The following DTWD2 variants were observed in gnomAD, a reference collection of about 807,000 sequenced individuals.
DTWD2 encodes the protein tRNA-uridine aminocarboxypropyltransferase 2.
Under a neutral mutation model 31.8 loss-of-function variants are expected in DTWD2, and 39 were observed. The observed-to-expected ratio is 1.22, with a 90% CI of 0.95 to 1.60. The LOEUF (loss-of-function observed/expected upper bound fraction) is 1.60. Among genes scored for constraint, DTWD2 ranks in the 40% most tolerant of loss-of-function variants. The probability of loss-of-function intolerance (pLI) is 0.00; values close to 1 mark genes in which losing one functional copy is unlikely to be tolerated. For missense variants in DTWD2, 515 were observed against 381.5 expected, an observed-to-expected ratio of 1.35 and a Z score of -2.92; for synonymous variants, 180 against 142.8, an observed-to-expected ratio of 1.26 and a Z score of -1.86.
intron 1 of DTWD2, among the ~76,000 whole-genome samples, chr5:118,965,012 C>T (rs1192567947): frequency 6.6e-6 from 1 of 151,468 alleles, no homozygotes; most frequent in Non-Finnish European, 1.5e-5. Flanking sequence ...TCTGCCCGGC[C>T]GCCCATCGTC....
intron 1 of DTWD2, among the ~76,000 whole-genome samples, chr5:118,974,351 T>A (rs1021844691): frequency 6.6e-5 from 10 of 152,108 alleles, no homozygotes; most frequent in Non-Finnish European, 1.5e-4. Context: ...AAGGCCCTGC[T>A]TTTTTTCTTA....
At chr5:118,928,412 T>C in intron 4 of DTWD2, 125 bp downstream of exon 4, 1 of 525,052 alleles carries the variant, frequency 1.9e-6, no homozygotes, top group Non-Finnish European at 3.0e-6. Context: ...AGGTACTATA[T>C]ATTCACACAT....
intron 1 of DTWD2, among the ~76,000 whole-genome samples, chr5:118,968,763 G>A (rs889440009): frequency 3.9e-5 from 6 of 152,224 alleles, no homozygotes; most frequent in African/African-American, 7.2e-5. Flanking sequence ...ATTCCAGCAA[G>A]GCGGGAAATC....
At chr5:118,957,578 A>T (rs1364493563) in intron 1 of DTWD2, among the ~76,000 whole-genome samples, 15 of 152,042 alleles carry the variant, frequency 9.9e-5, no homozygotes, top group African/African-American at 3.6e-4. Flanking sequence ...GGTGATATAT[A>T]TAATATATAT....
At chr5:118,949,580 G>A (rs1580430855) in intron 1 of DTWD2, among the ~76,000 whole-genome samples, 1 of 152,302 alleles carries the variant, frequency 6.6e-6, no homozygotes, top group Non-Finnish European at 1.5e-5. Flanking sequence ...AGCCCATGCT[G>A]TAGCAAGTGA....
chr5:118,847,671 A>G, intron 5 of DTWD2, among the ~76,000 whole-genome samples: 1 of 152,140 alleles, frequency 6.6e-6, no homozygotes, highest in Non-Finnish European at 1.5e-5. Flanking sequence ...GAGAAACAGA[A>G]AGTTAGTATA....
intron 5 of DTWD2, among the ~76,000 whole-genome samples, chr5:118,845,717 G>A (rs1031343786): frequency 6.6e-6 from 1 of 152,120 alleles, no homozygotes; most frequent in Non-Finnish European, 1.5e-5. Flanking sequence ...TTTATCTACA[G>A]ACAACAATAA....
intron 1 of DTWD2, among the ~76,000 whole-genome samples, chr5:118,967,294 G>C (rs1754874477): frequency 6.6e-6 from 1 of 152,144 alleles, no homozygotes; most frequent in Admixed American, 6.6e-5. Flanking sequence ...TATAGATTTA[G>C]AAATAGATAT....
intron 4 of DTWD2, among the ~76,000 whole-genome samples, chr5:118,867,427 T>A (rs1175294333): frequency 3.3e-5 from 5 of 152,166 alleles, no homozygotes; most frequent in Non-Finnish European, 2.9e-5. Context: ...TAATTTACAT[T>A]ATCTATCCTA....
chr5:118,938,723 T>C (rs1754107071), intron 3 of DTWD2, among the ~76,000 whole-genome samples: 1 of 118,540 alleles, frequency 8.4e-6, no homozygotes. Context: ...CAAAAAATAA[T>C]AATAATAACA....
At chr5:118,942,845 C>T (rs532667090) in intron 2 of DTWD2, among the ~76,000 whole-genome samples, 2 of 151,914 alleles carry the variant, frequency 1.3e-5, no homozygotes, top group African/African-American at 4.8e-5. Flanking sequence ...CTGTACAGCC[C>T]AAGCTAGAGT....
At chr5:118,954,975 A>G (rs553379981) in intron 1 of DTWD2, among the ~76,000 whole-genome samples, 104 of 152,220 alleles carry the variant, frequency 6.8e-4, no homozygotes, top group Admixed American at 1.9e-3. Context: ...CATTTGTATT[A>G]CAAATGAAAT....
At chr5:118,914,033 T>C (rs1282747014) in intron 4 of DTWD2, among the ~76,000 whole-genome samples, 1 of 152,196 alleles carries the variant, frequency 6.6e-6, no homozygotes, top group African/African-American at 2.4e-5. Context: ...ATTTTATGTT[T>C]ATGATTTTGT....
chr5:118,841,069 G>A lies in DTWD2; in HGVS notation c.745C>T (p.Gln249Ter), dbSNP rs1751702434. Residue 249 changes from glutamine (Q) to a stop codon, truncating the protein, a stop_gained, in exon 6 of 6, where the codon CAA becomes TAA. Coordinates refer to ENST00000510708, the MANE Select transcript of DTWD2 (RefSeq NM_173666.4). LOFTEE classifies it high-confidence loss of function. Reference sequence around the variant, plus strand: ...TGAAGTTGAAAGGAGCATAAAGCTTGAAGAGGGCGAAGCAAAGTCTGTCAA... The same window carrying A: ...TGAAGTTGAAAGGAGCATAAAGCTTAAAGAGGGCGAAGCAAAGTCTGTCAA... ...YIQETLLRPL[Q>*]ALCSFQLQHG... The A allele has an allele frequency of 1.2e-6, 2 of 1,611,954 alleles. No homozygotes were observed. The highest frequency in any genetic ancestry group is 1.7e-6 in the Non-Finnish European group (2 of 1,178,778).
Position 118,988,386 on chromosome 5 carries a change from G to T in DTWD2, c.126C>A (p.Ala42=), listed in dbSNP as rs1366081918. The change falls in exon 1 of 6, where the codon GCC becomes GCA. Residue 42 remains alanine, a synonymous_variant. Coordinates refer to ENST00000510708, the MANE Select transcript of DTWD2 (RefSeq NM_173666.4). The part of the protein sequence containing the change: ...REGGAVPAAA[A]LGAEADDDSA... Reference sequence around the variant, plus strand: ...TGTCGTCGTCCGCCTCTGCGCCCAGGGCAGCCGCCGCCGGCACTGCGCCGC... The same window carrying T: ...TGTCGTCGTCCGCCTCTGCGCCCAGTGCAGCCGCCGCCGGCACTGCGCCGC... 6.3e-7 allele frequency: 1 copy of T among 1,587,962 alleles called. No individual in the cohort carries two copies. Among genetic ancestry groups the T allele is most frequent in the Admixed American group, 1.8e-5 (1 of 56,696 alleles).
At chr5:118,851,622 A>G (rs1239074435) in intron 4 of DTWD2, among the ~76,000 whole-genome samples, 1 of 148,928 alleles carries the variant, frequency 6.7e-6, no homozygotes, top group East Asian at 2.0e-4. Context: ...ATCTTAACAG[A>G]AAACAGCGTT....
At chr5:118,890,056 G>T (rs1224035321) in intron 4 of DTWD2, among the ~76,000 whole-genome samples, 2 of 152,156 alleles carry the variant, frequency 1.3e-5, no homozygotes, top group African/African-American at 4.8e-5. Context: ...TGAGTACTCA[G>T]TACAATCAGA....
chr5:118,882,769 C>G (rs1752771312), intron 4 of DTWD2, among the ~76,000 whole-genome samples: 1 of 152,234 alleles, frequency 6.6e-6, no homozygotes, highest in Admixed American at 6.5e-5. Context: ...CACAGGGCAC[C>G]AAGCCCTGAG....
intron 3 of DTWD2, among the ~76,000 whole-genome samples, chr5:118,932,561 T>C (rs1023454552): frequency 1.1e-4 from 17 of 152,220 alleles, no homozygotes; most frequent in African/African-American, 3.6e-4. Flanking sequence ...TATTTAGAGA[T>C]AGAAAAATCA....
Sources: gnomAD v4.1 joint callset for allele counts (sites outside exome capture counted in the v4.1 genomes callset) on GRCh38, gnomAD v4.1.1 for gene constraint, MANE v1.5 for transcripts, NCBI Gene and HGNC (gene_info 2026-07-23, HGNC 2026-07-21) for gene names.